NT5DC3: variants seen among roughly 807,000 people sequenced by gnomAD.
NT5DC3 encodes the protein 5'-nucleotidase domain-containing protein 3.
A neutral mutation model predicts 67.8 loss-of-function variants in NT5DC3; 42 were observed. The observed-to-expected ratio is 0.62, with a 90% CI of 0.48 to 0.80. The LOEUF is 0.80. Ranked by LOEUF, NT5DC3 falls within the 30% of genes least tolerant of loss-of-function variation. NT5DC3 has a pLI of 0.00. For synonymous variants in NT5DC3, 237 were observed against 255.6 expected, an observed-to-expected ratio of 0.93 and a Z score of 0.69; for missense variants, 570 against 696.4, an observed-to-expected ratio of 0.82 and a Z score of 2.04.
At chr12:103,749,126 C>T in the NT5DC3 span, 68 of 1,608,280 alleles carry the variant, frequency 4.2e-5, no homozygotes, top group East Asian at 4.5e-4. Flanking sequence ...GAGGGTGTCA[C>T]GAGCACGCCA....
chr12:103,750,579 G>C, the NT5DC3 span: 1 of 1,614,086 alleles, frequency 6.2e-7, no homozygotes, highest in Non-Finnish European at 8.5e-7. Context: ...CCCTCCACAG[G>C]GCAAGCACAA....
chr12:103,815,042 A>C lies in NT5DC3; in HGVS notation c.288T>G (p.Ile96Met). 1 of 1,613,786 alleles carries C rather than the reference A, an allele frequency of 6.2e-7. No individual in the cohort carries two copies. The highest frequency in any genetic ancestry group is 8.5e-7 in the Non-Finnish European group (1 of 1,179,732). ...AATCATAATCGAAGCCATAGATTTC[A>C]ATGTCTGACAGGCTCATTTCATTGT... ...FSNNEMSLSD[I>M]EIYGFDYDYT... is the part of the protein sequence containing the mutation. The change falls in exon 2 of 14, where the codon ATT (isoleucine) becomes ATG (methionine). Residue 96 changes from isoleucine to methionine, a missense_variant. Coordinates refer to ENST00000392876, the MANE Select transcript of NT5DC3 (RefSeq NM_001031701.3).
intron 6 of NT5DC3, among the ~76,000 whole-genome samples, chr12:103,794,226 T>C (rs1003258634): frequency 6.9e-6 from 1 of 145,512 alleles, no homozygotes; most frequent in Non-Finnish European, 1.5e-5. Flanking sequence ...CTCAGCTCAA[T>C]GCAGCCTCTG....
chr12:103,761,310 G>C, the NT5DC3 span: 1 of 1,614,028 alleles, frequency 6.2e-7, no homozygotes, highest in South Asian at 1.1e-5. Flanking sequence ...ACGGAGACCA[G>C]GTTTGTTGAT....
intron 1 of NT5DC3, among the ~76,000 whole-genome samples, chr12:103,828,649 C>G (rs1887791397): frequency 6.6e-6 from 1 of 152,082 alleles, no homozygotes; most frequent in African/African-American, 2.4e-5. Flanking sequence ...TCTGACATTA[C>G]CACTACCCAG....
intron 1 of NT5DC3, among the ~76,000 whole-genome samples, chr12:103,826,840 T>G (rs905451914): frequency 2.0e-5 from 3 of 152,228 alleles, no homozygotes; most frequent in Non-Finnish European, 2.9e-5. Context: ...TGCACAAATA[T>G]AAAACCATGA....
chr12:103,757,955 C>T, the NT5DC3 span: 8 of 622,140 alleles, frequency 1.3e-5, no homozygotes, highest in Admixed American at 3.0e-5. Flanking sequence ...TGGGCTGTGA[C>T]GTGGCTGTGT....
At chr12:103,749,970 T>A in the NT5DC3 span, among the ~76,000 whole-genome samples, 1 of 151,298 alleles carries the variant, frequency 6.6e-6, no homozygotes, top group African/African-American at 2.4e-5. Flanking sequence ...TGCTTTTGCA[T>A]CTTACCTCCT....
At position 103,772,631 on chromosome 12, in the gene NT5DC3, G is replaced by C. The variant is rs1885214129; in HGVS notation, c.*5198C>G. The C allele has an allele frequency of 1.3e-5, 2 of 152,496 alleles. No homozygotes were observed. Among genetic ancestry groups the C allele is most frequent in the African/African-American group, 2.4e-5 (1 of 41,448 alleles). The allele number at this position is 152,496 out of a possible 1,614,324, so 9.4% of individuals were successfully genotyped here. A position where few individuals can be genotyped will look rare whatever the true frequency, so the allele number is the denominator to read the frequency against. ...TGTGGGCTGAGCCGGCTGGGTACAG[G>C]CTTGTCAGGGAGAGGCACTGGGCTG... On this transcript the variant is annotated 3_prime_UTR_variant, in exon 14 of 14. Coordinates refer to ENST00000392876, the MANE Select transcript of NT5DC3 (RefSeq NM_001031701.3).
At chr12:103,759,460 G>A in the NT5DC3 span, among the ~76,000 whole-genome samples, 42 of 152,312 alleles carry the variant, frequency 2.8e-4, no homozygotes, top group South Asian at 8.7e-3. Flanking sequence ...TACCCCTTGG[G>A]AAATAGGGCA....
the NT5DC3 span, chr12:103,746,808 G>A: frequency 3.6e-6 from 4 of 1,103,494 alleles, no homozygotes; most frequent in East Asian, 4.8e-5. Context: ...TCCTGTCTGG[G>A]CCACTTCAGC....
At chr12:103,797,470 TAAA>T (rs59046659) in intron 5 of NT5DC3, among the ~76,000 whole-genome samples, 64 of 138,278 alleles carry the variant, frequency 4.6e-4, no homozygotes, top group East Asian at 2.7e-3. Context: ...AACTCTGCCT[TAAA>T]AAAAAAAAAA....
the NT5DC3 span, chr12:103,755,457 T>C: frequency 1.2e-6 from 2 of 1,613,974 alleles, no homozygotes; most frequent in Non-Finnish European, 8.5e-7. Context: ...TCTTCTGCTA[T>C]CGGATGAAAG....
rs3036176 is a variant in NT5DC3, at chr12:103,786,681, A to ATTTTTTTT, written c.1188+752_1188+759dup. Among the ~76,000 whole-genome samples the ATTTTTTTT allele has an allele frequency of 1.9e-3, 250 of 132,350 alleles. 25 individuals are homozygous for ATTTTTTTT. The highest frequency in any genetic ancestry group is 0.015 in the East Asian group (56 of 3,802). The allele number at this position is 132,350 out of a possible 152,430, so 86.8% of individuals were successfully genotyped here. ...GATGCCCACCTTCCTCACTGGTTTG[A>ATTTTTTTT]TTTTTTTTTTTTTTTTTTTGAGGCA... On this transcript the variant is annotated intron_variant, in intron 11 of 13. Transcript: ENST00000392876.
At chr12:103,764,751 C>CAAATCAT in the NT5DC3 span, among the ~76,000 whole-genome samples, 1 of 151,968 alleles carries the variant, frequency 6.6e-6, no homozygotes. Context: ...AACCAGATTG[C>CAAATCAT]AAATCATATT....
At chr12:103,747,840 CA>C in the NT5DC3 span, among the ~76,000 whole-genome samples, 1 of 151,930 alleles carries the variant, frequency 6.6e-6, no homozygotes, top group Non-Finnish European at 1.5e-5. Flanking sequence ...ACTAAATCTA[CA>C]AAAATTAGCC....
downstream of NT5DC3, chr12:103,771,430 C>CA (rs574880552): frequency 3.3e-5 from 5 of 152,332 alleles, no homozygotes; most frequent in South Asian, 4.1e-4. Context: ...TTTCCACCTA[C>CA]ATGAATTGTA....
rs1306454810 is a variant in NT5DC3, at chr12:103,814,984, T to C, written c.346A>G (p.Thr116Ala). 1 of 1,613,606 alleles carries C rather than the reference T, an allele frequency of 6.2e-7. No individual in the cohort carries two copies. Among genetic ancestry groups the C allele is most frequent in the Non-Finnish European group, 8.5e-7 (1 of 1,179,764 alleles). ...TLVFYSKHLH[T>A]LIFNAARDLL... ...TCCCGTGCAGCATTAAATATCAGCGTGTGGAGGTGCTTTGAATAAAACACC... is the reference window on the plus strand; with the variant it reads ...TCCCGTGCAGCATTAAATATCAGCGCGTGGAGGTGCTTTGAATAAAACACC... Residue 116 changes from threonine to alanine, a missense_variant, in exon 2 of 14, where the codon ACG (threonine) becomes GCG (alanine). Physicochemically the swap from Thr to Ala is moderately conservative, Grantham distance 58. Transcript: ENST00000392876.
chr12:103,820,636 G>A (rs1361321419), intron 1 of NT5DC3, among the ~76,000 whole-genome samples: 1 of 152,118 alleles, frequency 6.6e-6, no homozygotes, highest in Non-Finnish European at 1.5e-5. Context: ...AGTGTGTGGA[G>A]ACAACACCAA....
Sources: allele counts gnomAD v4.1 joint callset (sites outside exome capture counted in the v4.1 genomes callset), GRCh38; gene constraint gnomAD v4.1.1; transcripts MANE v1.5; gene names NCBI Gene and HGNC (gene_info 2026-07-23, HGNC 2026-07-21).